MSN: variants seen among roughly 807,000 people sequenced by gnomAD.
The protein encoded by MSN is moesin.
MSN carries 2 observed loss-of-function variants against 48.0 expected under a neutral mutation model. The ratio of observed to expected loss-of-function variants is 0.04; its 90% CI spans 0.02 to 0.13. The LOEUF (loss-of-function observed/expected upper bound fraction) is 0.13, where lower values mean the gene tolerates loss of function less well. Ranked by LOEUF, MSN falls within the 10% of genes least tolerant of loss-of-function variation. The pLI, the probability that MSN is intolerant of heterozygous loss-of-function variation, is 1.00. For missense variants in MSN, 267 were observed against 470.1 expected, an observed-to-expected ratio of 0.57 and a Z score of 3.99; for synonymous variants, 146 against 166.9, an observed-to-expected ratio of 0.87 and a Z score of 0.97.
intron 1 of MSN, among the ~76,000 whole-genome samples, chrX:65,668,312 C>T (rs1258414443): frequency 2.7e-5 from 3 of 112,132 alleles, no homozygotes; most frequent in Non-Finnish European, 1.9e-5. Context: ...CCGCTCGGGG[C>T]GGATCCGGCA....
intron 1 of MSN, among the ~76,000 whole-genome samples, chrX:65,592,815 C>A (rs1193203934): frequency 1.8e-5 from 2 of 110,406 alleles, no homozygotes; most frequent in African/African-American, 3.3e-5. Context: ...CCAAGGTGGG[C>A]GGATCACTTG....
At chrX:65,694,676 A>C (rs958009407) in intron 1 of MSN, among the ~76,000 whole-genome samples, 7 of 112,341 alleles carry the variant, frequency 6.2e-5, no homozygotes, top group African/African-American at 2.3e-4. Flanking sequence ...TACTTCAAAC[A>C]GTGATGCCAA....
chrX:65,598,228 G>A (rs2070202325), intron 1 of MSN, among the ~76,000 whole-genome samples: 1 of 110,754 alleles, frequency 9.0e-6, no homozygotes, highest in South Asian at 3.8e-4. Flanking sequence ...AGAAAAGAAA[G>A]AAAGAGGTGG....
chrX:65,651,981 TG>T (rs1418760423), intron 1 of MSN, among the ~76,000 whole-genome samples: 1 of 106,921 alleles, frequency 9.4e-6, no homozygotes, highest in Non-Finnish European at 1.9e-5. Flanking sequence ...CCAGGCATGG[TG>T]GCTCACGCCT....
At chrX:65,593,178 T>G (rs2070161995) in intron 1 of MSN, 1 of 110,220 alleles carries the variant, frequency 9.1e-6, no homozygotes, top group Non-Finnish European at 1.9e-5. Flanking sequence ...TTTTTTTAAC[T>G]ACCTGCATGT....
intron 8 of MSN, 132 bp downstream of exon 8, chrX:65,735,562 C>T (rs1602871135): frequency 1.3e-6 from 1 of 771,163 alleles, no homozygotes; most frequent in East Asian, 3.5e-5. Context: ...CCAATATTCA[C>T]ATTTATTCAG....
chrX:65,722,892 G>A (rs1483388373), intron 2 of MSN, among the ~76,000 whole-genome samples: 1 of 111,196 alleles, frequency 9.0e-6, no homozygotes, highest in East Asian at 2.8e-4. Context: ...GGGCTCCTAA[G>A]CTGACCTGAT....
intron 1 of MSN, among the ~76,000 whole-genome samples, chrX:65,592,843 C>A (rs2070158862): frequency 9.1e-6 from 1 of 110,422 alleles, no homozygotes; most frequent in Non-Finnish European, 1.9e-5. Flanking sequence ...GAGTTCGAGA[C>A]CAGCCTGTCC....
intron 2 of MSN, 49 bp from the exon 3 acceptor site, chrX:65,727,765 C>A: frequency 9.5e-7 from 1 of 1,056,851 alleles, no homozygotes; most frequent in Non-Finnish European, 1.3e-6. Context: ...GTGCCTCACA[C>A]AGAGGAAGTA....
intron 1 of MSN, chrX:65,625,951 C>CCTTT (rs2070500306): frequency 1.0e-4 from 8 of 78,093 alleles, no homozygotes; most frequent in African/African-American, 5.4e-4. Context: ...TTTAATACAG[C>CCTTT]TTTTTTTTTT....
Position 65,733,072 on chromosome X carries a change from A to G in MSN, c.699-112A>G, listed in dbSNP as rs181328474. 424 of 499,231 alleles carry G rather than the reference A, an allele frequency of 8.5e-4. 4 individuals are homozygous for G. The highest frequency in any genetic ancestry group is 1.3e-3 in the Admixed American group (33 of 26,034). The allele number at this position is 499,231 out of a possible 1,213,427, so 41.1% of individuals were successfully genotyped here. A position where few individuals can be genotyped will look rare whatever the true frequency, so the allele number is the denominator to read the frequency against. On this transcript the variant is annotated intron_variant, in intron 6 of 12. Coordinates refer to ENST00000360270, the MANE Select transcript of MSN (RefSeq NM_002444.3). ...TCTCTATTTATTTTAAAAAAAAAAA[A>G]AGAGAGAGAGAGACATAGAAGCTTG...
At chrX:65,609,332 G>A (rs900254137) in intron 1 of MSN, among the ~76,000 whole-genome samples, 17 of 110,578 alleles carry the variant, frequency 1.5e-4, no homozygotes, top group Non-Finnish European at 2.5e-4. Context: ...CCTGGGCTCC[G>A]TTATTCCAAG....
chrX:65,613,929 G>C (rs1275374955), intron 1 of MSN, among the ~76,000 whole-genome samples: 1 of 111,916 alleles, frequency 8.9e-6, no homozygotes, highest in Non-Finnish European at 1.9e-5. Flanking sequence ...TGGTGTTTTA[G>C]TCATGAAGTC....
intron 1 of MSN, among the ~76,000 whole-genome samples, chrX:65,636,776 C>CAAAAAAAAAAAAAA (rs2070604946): frequency 1.2e-5 from 1 of 82,891 alleles, no homozygotes; most frequent in African/African-American, 6.0e-5. Context: ...AAAAAAAAAC[C>CAAAAAAAAAAAAAA]AGAAAGAAAG....
At chrX:65,677,950 T>C (rs1017691951) in intron 1 of MSN, among the ~76,000 whole-genome samples, 2 of 110,795 alleles carry the variant, frequency 1.8e-5, no homozygotes, top group African/African-American at 6.6e-5. Context: ...CAGGGCCTGA[T>C]GTGGGCCTGG....
rs200080274 is a variant in MSN at position 65,737,167 on chromosome X, T to C, written c.1091-11T>C. On this transcript the variant is annotated splice_polypyrimidine_tract_variant and intron_variant, in intron 9 of 12. Transcript: ENST00000360270. ...GCTCTTCACTGCCTTCTCCCCTCCT[T>C]TTCTGCTCAGAACTGGAAGAACAGA... 37 of 1,198,534 alleles carry C rather than the reference T, an allele frequency of 3.1e-5. No individual in the cohort carries two copies. The East Asian group carries it at 1.0e-3, about 34-fold the overall frequency.
At chrX:65,724,735 G>A (rs969601421) in intron 2 of MSN, among the ~76,000 whole-genome samples, 2 of 111,293 alleles carry the variant, frequency 1.8e-5, no homozygotes, top group Admixed American at 1.9e-4. Context: ...CACCCATACT[G>A]GAGTGCAGTG....
At chrX:65,671,691 G>A (rs181286850) in intron 1 of MSN, among the ~76,000 whole-genome samples, 13 of 111,800 alleles carry the variant, frequency 1.2e-4, no homozygotes, top group Middle Eastern at 4.6e-3. Context: ...TAGAGACAGA[G>A]CAGGAACCAT....
At chrX:65,687,362 CACAA>C (rs751544465) in intron 1 of MSN, among the ~76,000 whole-genome samples, 10 of 110,876 alleles carry the variant, frequency 9.0e-5, no homozygotes, top group African/African-American at 1.6e-4. Flanking sequence ...CAAACAAACA[CACAA>C]ACAAACAAAC....
Sources: gnomAD v4.1 joint callset for allele counts (sites outside exome capture counted in the v4.1 genomes callset) on GRCh38, gnomAD v4.1.1 for gene constraint, MANE v1.5 for transcripts, NCBI Gene and HGNC (gene_info 2026-07-23, HGNC 2026-07-21) for gene names.